Variants in MGAT3 observed in about 807,000 individuals in gnomAD.
MGAT3 encodes GlcNAc-T III.
In MGAT3, 9 loss-of-function variants were observed where a neutral mutation model predicts 29.8. The ratio of observed to expected loss-of-function variants is 0.30; its 90% CI spans 0.18 to 0.53. The LOEUF (loss-of-function observed/expected upper bound fraction) is 0.53, where lower values mean the gene tolerates loss of function less well. MGAT3 is among the 20% of genes least tolerant of loss of function. MGAT3 has a pLI of 0.96. For missense variants in MGAT3, 557 were observed against 769.5 expected, an observed-to-expected ratio of 0.72 and a Z score of 3.27; for synonymous variants, 397 against 348.9, an observed-to-expected ratio of 1.14 and a Z score of -1.54.
intron 1 of MGAT3, among the ~76,000 whole-genome samples, chr22:39,471,826 C>T (rs1248984102): frequency 1.3e-5 from 2 of 152,182 alleles, no homozygotes; most frequent in Admixed American, 1.3e-4. Flanking sequence ...GCACTGTTCT[C>T]TGTGGTCAGC....
intron 1 of MGAT3, among the ~76,000 whole-genome samples, chr22:39,463,046 C>T (rs1928540338): frequency 6.6e-6 from 1 of 152,102 alleles, no homozygotes; most frequent in African/African-American, 2.4e-5. Context: ...TGAGGGAGGC[C>T]GGCCCGAGTG....
chr22:39,483,523 A>G (rs1380391948), intron 1 of MGAT3, among the ~76,000 whole-genome samples: 2 of 152,014 alleles, frequency 1.3e-5, no homozygotes, highest in Non-Finnish European at 2.9e-5. Context: ...AGAAAAGAAA[A>G]ATAGCCCACC....
Position 39,487,902 on chromosome 22 carries a change from C to T in MGAT3, c.555C>T (p.Pro185=), listed in dbSNP as rs914504648. ...PGWHGPSCGV[P]TVVQYSNLPT... is the part of the protein sequence containing the mutation. Reference sequence around the variant, plus strand: ...GGCACGGACCCAGCTGCGGCGTGCCCACTGTGGTGCAGTACTCCAACCTGC... The same window carrying T: ...GGCACGGACCCAGCTGCGGCGTGCCTACTGTGGTGCAGTACTCCAACCTGC... Residue 185 remains proline, a synonymous_variant, in exon 2 of 2, where the codon CCC becomes CCT. Transcript: ENST00000341184. This position sits in a 1 kb window ranked among gnomAD's most constrained non-coding sequence, Gnocchi z 5.7. 3 of 1,592,596 alleles carry T rather than the reference C, an allele frequency of 1.9e-6. No individual in the cohort carries two copies. Among genetic ancestry groups the T allele is most frequent in the Admixed American group, 1.7e-5 (1 of 58,828 alleles).
At chr22:39,463,781 T>C (rs1266585668) in intron 1 of MGAT3, among the ~76,000 whole-genome samples, 3 of 151,616 alleles carry the variant, frequency 2.0e-5, no homozygotes, top group East Asian at 3.9e-4. Context: ...GCAGGTATGG[T>C]GGCAAACGCC....
intron 1 of MGAT3, among the ~76,000 whole-genome samples, chr22:39,469,788 C>A (rs1928757013): frequency 6.6e-6 from 1 of 152,230 alleles, no homozygotes; most frequent in Admixed American, 6.5e-5. Flanking sequence ...TGAAGTGGCC[C>A]TTTGTACGTT....
chr22:39,491,637 A>G lies in MGAT3; in HGVS notation c.*2688A>G, dbSNP rs1929454703. 6.0e-6 allele frequency: 1 copy of G among 167,144 alleles called. No homozygotes were observed. Among genetic ancestry groups the G allele is most frequent in the Non-Finnish European group, 1.5e-5 (1 of 68,380 alleles). The allele number at this position is 167,144 out of a possible 1,614,324, so 10.4% of individuals were successfully genotyped here. ...CAGCAGCAGGAGTGAAGGCCTGGCC[A>G]TCGGTGGAGAGGGCAGCTGTCAGAG... On this transcript the variant is annotated 3_prime_UTR_variant, in exon 2 of 2. Coordinates refer to ENST00000341184, the MANE Select transcript of MGAT3 (RefSeq NM_002409.5). The surrounding 1 kb of genome is among the most constrained non-coding windows in gnomAD (Gnocchi z 5.5).
intron 1 of MGAT3, among the ~76,000 whole-genome samples, chr22:39,461,422 C>A (rs1253179143): frequency 1.3e-5 from 2 of 152,088 alleles, no homozygotes; most frequent in East Asian, 3.9e-4. Context: ...CGTCCTGAGA[C>A]CCTTTGCACC....
rs2145730909 is a variant in MGAT3, at chr22:39,491,239, GCT to G, written c.*2293_*2294del. On this transcript the variant is annotated 3_prime_UTR_variant, in exon 2 of 2. Coordinates refer to ENST00000341184, the MANE Select transcript of MGAT3 (RefSeq NM_002409.5). This position sits in a 1 kb window ranked among gnomAD's most constrained non-coding sequence, Gnocchi z 5.5. ...GGGCAAGCGTGAAGTGGGCTGAGGG[GCT>G]CTGAGCCACTTTGCTCCCATCTAGG... The G allele has an allele frequency of 6.0e-6, 1 of 167,406 alleles. No homozygotes were observed. The highest frequency in any genetic ancestry group is 1.5e-5 in the Non-Finnish European group (1 of 68,218). The allele number at this position is 167,406 out of a possible 1,614,324, so 10.4% of individuals were successfully genotyped here. A position where few individuals can be genotyped will look rare whatever the true frequency, so the allele number is the denominator to read the frequency against.
In MGAT3 at chr22:39,470,698, G is replaced by A. The variant is rs187571235; in HGVS notation, c.-2+13141G>A. Among the ~76,000 whole-genome samples the A allele has an allele frequency of 5.9e-4, 90 of 151,764 alleles. No homozygotes were observed. The Middle Eastern group carries it at 0.021, about 36-fold the overall frequency. ...CTGCAGGCTTTCCTGCCCCTCTGCCGGGCATGTGGTGAGGCCGCACCCAGC... is the reference window on the plus strand; with the variant it reads ...CTGCAGGCTTTCCTGCCCCTCTGCCAGGCATGTGGTGAGGCCGCACCCAGC... On this transcript the variant is annotated intron_variant, in intron 1 of 1. Coordinates refer to ENST00000341184, the MANE Select transcript of MGAT3 (RefSeq NM_002409.5).
At chr22:39,483,966 C>T (rs1929199220) in intron 1 of MGAT3, among the ~76,000 whole-genome samples, 1 of 152,170 alleles carries the variant, frequency 6.6e-6, no homozygotes, top group South Asian at 2.1e-4. Context: ...AAACGCTGCC[C>T]TGATTGTCGG....
At chr22:39,482,014 C>T (rs1428285784) in intron 1 of MGAT3, among the ~76,000 whole-genome samples, 4 of 152,178 alleles carry the variant, frequency 2.6e-5, no homozygotes, top group African/African-American at 7.2e-5. Flanking sequence ...TGCAGAATTG[C>T]GATCTCTCAG....
Position 39,488,501 on chromosome 22 carries a change from A to G in MGAT3, c.1154A>G (p.Gln385Arg), listed in dbSNP as rs941808558. Residue 385 changes from glutamine (Q) to arginine (R), a missense_variant, in exon 2 of 2, where the codon CAG (glutamine) becomes CGG (arginine). This residue lies in a region of MGAT3 where 243 missense variants were observed against 444.0 expected (regional missense o/e 0.55). Transcript: ENST00000341184. ...GLDGIRLRRR[Q>R]YYTMPNFRQY... ...GACGGCATCCGCCTGCGCCGCCGCC[A>G]GTACTACACCATGCCCAACTTCAGA... 3.1e-6 allele frequency: 5 copies of G among 1,613,084 alleles called. No individual in the cohort carries two copies. The highest frequency in any genetic ancestry group is 4.2e-6 in the Non-Finnish European group (5 of 1,180,022).
At chr22:39,479,115 A>G (rs1221911362) in intron 1 of MGAT3, among the ~76,000 whole-genome samples, 1 of 152,234 alleles carries the variant, frequency 6.6e-6, no homozygotes. Flanking sequence ...GGGCCGAGGT[A>G]TCACTTGAGC....
intron 1 of MGAT3, among the ~76,000 whole-genome samples, chr22:39,461,121 C>G (rs576857495): frequency 6.6e-6 from 1 of 152,264 alleles, no homozygotes; most frequent in African/African-American, 2.4e-5. Flanking sequence ...GCTGTAAATC[C>G]TCCCCATATG....
chr22:39,482,579 A>G (rs963691885), intron 1 of MGAT3, among the ~76,000 whole-genome samples: 2 of 152,258 alleles, frequency 1.3e-5, no homozygotes, highest in Non-Finnish European at 2.9e-5. Flanking sequence ...TGTGAGATTT[A>G]AATGAGACCC....
intron 1 of MGAT3, among the ~76,000 whole-genome samples, chr22:39,481,846 G>A (rs1456121358): frequency 2.0e-5 from 3 of 152,230 alleles, no homozygotes; most frequent in South Asian, 2.1e-4. Context: ...CCTGCTTCGT[G>A]TTGGGAGGAT....
At chr22:39,466,207 A>G (rs1427232100) in intron 1 of MGAT3, among the ~76,000 whole-genome samples, 1 of 152,194 alleles carries the variant, frequency 6.6e-6, no homozygotes, top group African/African-American at 2.4e-5. Context: ...CAGCGGGAAG[A>G]AAAGGAGCCC....
rs1300364365 is a variant in MGAT3 at position 39,490,222 on chromosome 22, G to A, written c.*1273G>A. ...CGGCTGCTCCAGCGCCCACCCTCCT[G>A]TGTGCATCCAAGCCTGGGGGAAGCA... On this transcript the variant is annotated 3_prime_UTR_variant, in exon 2 of 2. Coordinates refer to ENST00000341184, the MANE Select transcript of MGAT3 (RefSeq NM_002409.5). 2 of 166,914 alleles carry A rather than the reference G, an allele frequency of 1.2e-5. No individual in the cohort carries two copies. Among genetic ancestry groups the A allele is most frequent in the East Asian group, 1.9e-4 (1 of 5,204 alleles). 10.3% of individuals were successfully genotyped at this position (166,914 alleles called of 1,614,324 possible).
At chr22:39,458,441 A>C (rs983445898) in intron 1 of MGAT3, among the ~76,000 whole-genome samples, 1 of 152,100 alleles carries the variant, frequency 6.6e-6, no homozygotes, top group South Asian at 2.1e-4. Context: ...GGGACACACC[A>C]GTCCAGATTC....
Sources: allele counts gnomAD v4.1 joint callset (sites outside exome capture counted in the v4.1 genomes callset), GRCh38; gene constraint gnomAD v4.1.1; regional missense constraint gnomAD v4.1.1; non-coding constraint Gnocchi (gnomAD v3.1); transcripts MANE v1.5; gene names NCBI Gene and HGNC (gene_info 2026-07-23, HGNC 2026-07-21).